Variants in PCDHGA6 observed in about 807,000 individuals in gnomAD.
PCDHGA6 encodes the protein protocadherin gamma-A6.
In PCDHGA6, 41 loss-of-function variants were observed where a neutral mutation model predicts 60.6. The ratio of observed to expected loss-of-function variants is 0.68; its 90% confidence interval spans 0.53 to 0.88. The LOEUF is 0.88. PCDHGA6 is among the 40% of genes least tolerant of loss of function. PCDHGA6 has a pLI of 0.00. For synonymous variants in PCDHGA6, 594 were observed against 524.4 expected (o/e 1.13, Z -1.81); for missense variants, 1,312 against 1,203.0 (o/e 1.09, Z -1.34).
At chr5:141,447,023 G>GT (rs5871773) in intron 1 of PCDHGA6, among the ~76,000 whole-genome samples, 28,105 of 151,474 alleles carry the variant, frequency 0.19, 2,731 homozygotes, top group African/African-American at 0.24. Context: ...GTTTTGTTTT[G>GT]TTTTTTTTCT....
intron 1 of PCDHGA6, among the ~76,000 whole-genome samples, chr5:141,467,882 C>T (rs1278937609): frequency 6.6e-6 from 1 of 152,036 alleles, no homozygotes; most frequent in East Asian, 1.9e-4. Context: ...TGGTCTCAAA[C>T]TCCTGAGCTC....
rs1771937674 is a variant in PCDHGA6 at position 141,375,823 on chromosome 5, C to A, written c.1740C>A (p.Arg580=). The part of the protein sequence containing the change: ...DGSTGVELAP[R]SAEPGYLVTK... ...CCACTGGCGTGGAGCTGGCGCCCCGCTCCGCAGAGCCCGGCTACCTGGTGA... is the reference window on the plus strand; with the variant it reads ...CCACTGGCGTGGAGCTGGCGCCCCGATCCGCAGAGCCCGGCTACCTGGTGA... The change falls in exon 1 of 4, where the codon CGC becomes CGA. Residue 580 remains arginine (R), a synonymous_variant. Coordinates refer to ENST00000517434, the MANE Select transcript of PCDHGA6 (RefSeq NM_018919.3). 1 of 1,614,098 alleles carries A rather than the reference C, an allele frequency of 6.2e-7. No individual in the cohort carries two copies. The highest frequency in any genetic ancestry group is 1.3e-5 in the African/African-American group (1 of 74,962).
rs753247365 is a variant in PCDHGA6 at position 141,375,745 on chromosome 5, C to G, written c.1662C>G (p.Asp554Glu). 2.5e-6 allele frequency: 4 copies of G among 1,614,238 alleles called. No individual in the cohort carries two copies. Among genetic ancestry groups the G allele is most frequent in the Non-Finnish European group, 3.4e-6 (4 of 1,180,034 alleles). Residue 554 changes from aspartate to glutamate, a missense_variant, in exon 1 of 4, where the codon GAC (aspartate) becomes GAG (glutamate). Coordinates refer to ENST00000517434, the MANE Select transcript of PCDHGA6 (RefSeq NM_018919.3). ...SNVSLSLFVL[D>E]QNDNAPEILY... Reference sequence around the variant, plus strand: ...TGTCACTGAGCCTGTTTGTGCTGGACCAGAATGACAATGCGCCCGAGATCC... The same window carrying G: ...TGTCACTGAGCCTGTTTGTGCTGGAGCAGAATGACAATGCGCCCGAGATCC...
chr5:141,384,934 G>A (rs750109041), intron 1 of PCDHGA6: 1 of 1,614,050 alleles, frequency 6.2e-7, no homozygotes, highest in Admixed American at 1.7e-5. Flanking sequence ...GGGCAGCCTT[G>A]AGCCCTCCGA....
In PCDHGA6 at chr5:141,476,762, G is replaced by A. The variant is rs1338892879; in HGVS notation, c.2425-18045G>A. The A allele has an allele frequency of 6.2e-7, 1 of 1,613,848 alleles. No individual in the cohort carries two copies. ...GCCTAGTCTCCAGTTAGTGCTGACG[G>A]CGTTGGACGGAGGGACCCCAGCTCT... On this transcript the variant is annotated intron_variant, in intron 1 of 3. Coordinates refer to ENST00000517434, the MANE Select transcript of PCDHGA6 (RefSeq NM_018919.3). The surrounding 1 kb of genome is among the most constrained non-coding windows in gnomAD (Gnocchi z 7.6).
At chr5:141,388,412 T>G (rs1381904129) in intron 1 of PCDHGA6, 1 of 1,613,752 alleles carries the variant, frequency 6.2e-7, no homozygotes, top group African/African-American at 1.3e-5. Context: ...GTCCCAGTGA[T>G]CATTTCTCAC....
intron 1 of PCDHGA6, among the ~76,000 whole-genome samples, chr5:141,396,908 C>G (rs987572785): frequency 1.3e-5 from 2 of 152,146 alleles, no homozygotes; most frequent in Admixed American, 6.5e-5. Context: ...TGGCACTTTG[C>G]AATTTTAAAA....
intron 1 of PCDHGA6, chr5:141,383,294 G>C: frequency 6.2e-7 from 1 of 1,613,938 alleles, no homozygotes; most frequent in Non-Finnish European, 8.5e-7. Flanking sequence ...AACGTTCCAA[G>C]ATTCTTGACG....
intron 1 of PCDHGA6, among the ~76,000 whole-genome samples, chr5:141,474,185 C>T (rs1481544975): frequency 1.3e-5 from 2 of 152,180 alleles, no homozygotes; most frequent in Non-Finnish European, 2.9e-5. Flanking sequence ...AAACTACTTA[C>T]ATTTTTAAAA....
intron 1 of PCDHGA6, chr5:141,391,117 G>C (rs1180056630): frequency 6.6e-6 from 1 of 152,054 alleles, no homozygotes; most frequent in African/African-American, 2.4e-5. Flanking sequence ...TATAGCTAGA[G>C]GTCTTCTAAT....
intron 1 of PCDHGA6, among the ~76,000 whole-genome samples, chr5:141,434,748 C>T (rs932613622): frequency 2.0e-5 from 3 of 151,818 alleles, no homozygotes; most frequent in African/African-American, 7.3e-5. Flanking sequence ...CTATGAGACC[C>T]CTGATTCCCC....
At chr5:141,444,834 A>G (rs892892307) in intron 1 of PCDHGA6, among the ~76,000 whole-genome samples, 1 of 152,132 alleles carries the variant, frequency 6.6e-6, no homozygotes, top group African/African-American at 2.4e-5. Context: ...TTGTAGCTTT[A>G]TAGTAAGTCT....
chr5:141,483,648 T>TTGTGTGTGTGTG (rs111458813), intron 1 of PCDHGA6, among the ~76,000 whole-genome samples: 51 of 149,708 alleles, frequency 3.4e-4, no homozygotes, highest in African/African-American at 1.2e-3. Context: ...GGGTGTGTGT[T>TTGTGTGTGTGTG]TGTGTGTGTG....
intron 1 of PCDHGA6, chr5:141,402,858 G>A: frequency 1.4e-6 from 2 of 1,427,466 alleles, no homozygotes; most frequent in Admixed American, 2.9e-5. Context: ...TTTCTTCTAA[G>A]GAAAAGATCA....
At chr5:141,451,151 A>AT (rs1324071351) in intron 1 of PCDHGA6, among the ~76,000 whole-genome samples, 2 of 152,190 alleles carry the variant, frequency 1.3e-5, no homozygotes, top group Admixed American at 6.5e-5. Context: ...TAGACTAGAC[A>AT]TTTTTTTGGT....
At chr5:141,390,008 C>G in intron 1 of PCDHGA6, 1 of 1,614,038 alleles carries the variant, frequency 6.2e-7, no homozygotes, top group South Asian at 1.1e-5. Context: ...TGATTCTGGC[C>G]ATTGCCTTGC....
chr5:141,433,283 T>A, intron 1 of PCDHGA6: 1 of 1,183,074 alleles, frequency 8.5e-7, no homozygotes, highest in Non-Finnish European at 1.2e-6. Flanking sequence ...AGCCTCAAAC[T>A]CCTAGGCTCA....
intron 1 of PCDHGA6, among the ~76,000 whole-genome samples, chr5:141,460,992 T>C (rs2099006034): frequency 6.6e-6 from 1 of 151,316 alleles, no homozygotes; most frequent in South Asian, 2.1e-4. Context: ...TGTATATATA[T>C]ATATGTGTAT....
Position 141,409,297 on chromosome 5 carries a change from T to TGTGAATG in PCDHGA6, c.2424+32792_2424+32793insGAATGGT, listed in dbSNP as rs774936669. On this transcript the variant is annotated intron_variant, in intron 1 of 3. Transcript: ENST00000517434. ...TGGAGAATTCACCTCCAGGAATGGT[T>TGTGAATG]GTTGCCCTCTTCAAAACACGGGATC... The TGTGAATG allele has an allele frequency of 1.3e-5, 21 of 1,613,888 alleles. No homozygotes were observed. In the African/African-American group the frequency reaches 2.7e-4, roughly 21 times the overall value.
Sources: allele counts gnomAD v4.1 joint callset (sites outside exome capture counted in the v4.1 genomes callset), GRCh38; gene constraint gnomAD v4.1.1; non-coding constraint Gnocchi (gnomAD v3.1); transcripts MANE v1.5; gene names NCBI Gene and HGNC (gene_info 2026-07-23, HGNC 2026-07-21).